Variants in ERC2 observed in about 807,000 individuals in gnomAD.
The protein encoded by ERC2 is ELKS/RAB6-interacting/CAST family member 2.
Under a neutral mutation model 114.8 loss-of-function variants are expected in ERC2, and 42 were observed. The observed-to-expected ratio is 0.37, with a 90% confidence interval of 0.29 to 0.47. The LOEUF (loss-of-function observed/expected upper bound fraction) is 0.47. Among genes scored for constraint, ERC2 ranks in the 20% least tolerant of loss-of-function variants. The pLI is 0.99. For synonymous variants in ERC2, 454 were observed against 425.5 expected (o/e 1.07, Z -0.82); for missense variants, 939 against 1,150.7 (o/e 0.82, Z 2.66).
At chr3:55,962,239 T>C (rs1255588488) in intron 12 of ERC2, among the ~76,000 whole-genome samples, 1 of 152,236 alleles carries the variant, frequency 6.6e-6, no homozygotes, top group Non-Finnish European at 1.5e-5. Context: ...CTTGTTCTCA[T>C]TTATGCTGCT....
chr3:56,230,098 T>A (rs2050520679), intron 3 of ERC2, among the ~76,000 whole-genome samples: 1 of 152,008 alleles, frequency 6.6e-6, no homozygotes, highest in South Asian at 2.1e-4. Flanking sequence ...ACTCCTGACC[T>A]CAGATAATCC....
chr3:56,234,371 G>A (rs2050809660), intron 3 of ERC2, among the ~76,000 whole-genome samples: 1 of 152,120 alleles, frequency 6.6e-6, no homozygotes, highest in Non-Finnish European at 1.5e-5. Context: ...CCTTCAGTGG[G>A]TTTTTTTATA....
intron 7 of ERC2, among the ~76,000 whole-genome samples, chr3:56,028,142 C>G (rs970126210): frequency 3.9e-5 from 6 of 152,110 alleles, no homozygotes; most frequent in Admixed American, 3.3e-4. Flanking sequence ...GGGTCCTAGT[C>G]TGTCCCATTA....
rs920781886 is a variant in ERC2 at position 56,087,039 on chromosome 3, T to C, written c.1474-6055A>G. 6.6e-4 allele frequency among the ~76,000 whole-genome samples: 101 copies of C among 152,164 alleles called. 1 individual carries two copies. The highest frequency in any genetic ancestry group is 1.6e-4 in the Non-Finnish European group (11 of 68,028). On this transcript the variant is annotated intron_variant, in intron 6 of 17. Transcript: ENST00000288221. The stretch of plus-strand genomic sequence containing the variant: ...ACAAAAGAAAATTAGAACTGTATGA[T>C]ATAGTCCATGCACAAAGACCCAGAA...
chr3:55,842,385 C>T (rs2061171358), intron 14 of ERC2, among the ~76,000 whole-genome samples: 1 of 152,166 alleles, frequency 6.6e-6, no homozygotes, highest in South Asian at 2.1e-4. Context: ...TCCAGGGACA[C>T]ACAATGAACG....
chr3:55,924,690 A>T (rs1294039999), intron 13 of ERC2, among the ~76,000 whole-genome samples: 1 of 152,100 alleles, frequency 6.6e-6, no homozygotes, highest in Non-Finnish European at 1.5e-5. Context: ...GAGAGGGAGC[A>T]GGGGGTGGAA....
chr3:55,718,474 C>T (rs2064254529), intron 15 of ERC2, among the ~76,000 whole-genome samples: 1 of 152,178 alleles, frequency 6.6e-6, no homozygotes, highest in Non-Finnish European at 1.5e-5. Flanking sequence ...AACTGTTTGG[C>T]AGCAGAAAGG....
chr3:56,446,600 C>A (rs1208166234), intron 1 of ERC2, among the ~76,000 whole-genome samples: 2 of 146,420 alleles, frequency 1.4e-5, no homozygotes, highest in Non-Finnish European at 3.0e-5. Flanking sequence ...CAATAGAGGG[C>A]GCATTTTCTT....
chr3:55,836,107 T>C (rs1443119187), intron 14 of ERC2, among the ~76,000 whole-genome samples: 4 of 151,182 alleles, frequency 2.6e-5, no homozygotes, highest in Admixed American at 6.6e-5. Flanking sequence ...TAAAAGAGGA[T>C]ACAAACAAAT....
intron 14 of ERC2, among the ~76,000 whole-genome samples, chr3:55,848,217 C>T (rs2061443286): frequency 1.3e-5 from 2 of 152,204 alleles, no homozygotes; most frequent in South Asian, 4.1e-4. Flanking sequence ...CCGTCTTGTC[C>T]TCCTTCTGCC....
At chr3:55,918,714 A>G (rs1168210889) in intron 13 of ERC2, among the ~76,000 whole-genome samples, 1 of 151,594 alleles carries the variant, frequency 6.6e-6, no homozygotes, top group Non-Finnish European at 1.5e-5. Flanking sequence ...AAGAAGCCAT[A>G]TGGAGATCTG....
intron 5 of ERC2, among the ~76,000 whole-genome samples, chr3:56,146,041 C>A (rs1019279064): frequency 3.9e-5 from 6 of 152,072 alleles, no homozygotes; most frequent in Admixed American, 3.3e-4. Flanking sequence ...AATCCCAGCA[C>A]TTTGGGAGGC....
At chr3:56,117,942 T>C (rs2200432) in intron 6 of ERC2, among the ~76,000 whole-genome samples, 85,708 of 152,082 alleles carry the variant, frequency 0.56, 26,189 homozygotes, top group East Asian at 0.85. Context: ...GAATTGACTA[T>C]TCTGAGCAGA....
At chr3:55,816,216 T>A (rs1356886776) in intron 14 of ERC2, among the ~76,000 whole-genome samples, 1 of 152,246 alleles carries the variant, frequency 6.6e-6, no homozygotes, top group Non-Finnish European at 1.5e-5. Flanking sequence ...GTGTATCGGA[T>A]GGGAGAGGCT....
intron 14 of ERC2, among the ~76,000 whole-genome samples, chr3:55,752,910 TCAGTCACAATGCTGCCGTCAGTAAGAG>T (rs1168349467): frequency 6.6e-6 from 1 of 152,212 alleles, no homozygotes; most frequent in East Asian, 1.9e-4. Flanking sequence ...GACCACCCCC[TCAGTCACAATGCTGCCGTCAGTAAGAG>T]CAGCCGACCG....
intron 17 of ERC2, among the ~76,000 whole-genome samples, chr3:55,557,045 G>A (rs2055663426): frequency 6.6e-6 from 1 of 152,202 alleles, no homozygotes; most frequent in Non-Finnish European, 1.5e-5. Context: ...ACATGAGTTT[G>A]AGTGACTGTA....
chr3:56,439,215 C>G (rs917051542), intron 1 of ERC2, among the ~76,000 whole-genome samples: 1 of 152,144 alleles, frequency 6.6e-6, no homozygotes, highest in African/African-American at 2.4e-5. Flanking sequence ...GAGGCTGAGG[C>G]AGGAGGATTG....
intron 17 of ERC2, among the ~76,000 whole-genome samples, chr3:55,552,785 C>G (rs781348006): frequency 6.6e-6 from 1 of 151,810 alleles, no homozygotes; most frequent in Non-Finnish European, 1.5e-5. Flanking sequence ...GATATAGGGA[C>G]TCATTTTCTG....
intron 17 of ERC2, among the ~76,000 whole-genome samples, chr3:55,521,235 G>C (rs72868672): frequency 6.6e-6 from 1 of 152,152 alleles, no homozygotes; most frequent in African/African-American, 2.4e-5. Flanking sequence ...GGGTCCAGGC[G>C]AGACCTCCCT....
Sources: gnomAD v4.1 joint callset for allele counts (sites outside exome capture counted in the v4.1 genomes callset) on GRCh38, gnomAD v4.1.1 for gene constraint, MANE v1.5 for transcripts, NCBI Gene and HGNC (gene_info 2026-07-23, HGNC 2026-07-21) for gene names.